PHACTR2: variants seen among roughly 807,000 people sequenced by gnomAD.
PHACTR2 encodes the protein phosphatase and actin regulator 2.
In PHACTR2, 30 loss-of-function variants were observed where a neutral mutation model predicts 76.0. That is an observed-to-expected ratio of 0.39 (90% confidence interval 0.30 to 0.54). The LOEUF (loss-of-function observed/expected upper bound fraction) is 0.54, where lower values mean the gene tolerates loss of function less well. Among genes scored for constraint, PHACTR2 ranks in the 20% least tolerant of loss-of-function variants. The probability of loss-of-function intolerance (pLI) is 0.61; values close to 1 mark genes in which losing one functional copy is unlikely to be tolerated. For synonymous variants in PHACTR2, 292 were observed against 292.5 expected (o/e 1.00, Z 0.02); for missense variants, 696 against 781.1 (o/e 0.89, Z 1.30).
In PHACTR2 at chr6:143,619,908, G is replaced by A. The variant is rs979145088; in HGVS notation, c.13+11586G>A. Among the ~76,000 whole-genome samples the A allele has an allele frequency of 2.0e-5, 3 of 152,078 alleles. No individual in the cohort carries two copies. Among genetic ancestry groups the A allele is most frequent in the Non-Finnish European group, 4.4e-5 (3 of 68,012 alleles). Reference sequence around the variant, plus strand: ...TGTGAGATTCTATAGTCTTCACAGCGCCGATCATGCTTGCTTGTGGTACTT... The same window carrying A: ...TGTGAGATTCTATAGTCTTCACAGCACCGATCATGCTTGCTTGTGGTACTT... On this transcript the variant is annotated intron_variant, in intron 1 of 11. Coordinates refer to the PHACTR2 transcript ENST00000305766. The surrounding 1 kb of genome is among the most constrained non-coding windows in gnomAD (Gnocchi z 4.5).
chr6:143,826,308 A>C lies in PHACTR2; in HGVS notation c.*2619A>C, dbSNP rs1776529410. On this transcript the variant is annotated 3_prime_UTR_variant, in exon 13 of 13. Coordinates refer to ENST00000440869, the MANE Select transcript of PHACTR2 (RefSeq NM_001100164.2). ...CAGAGGTCTGGCCCACCCTCCGTGCATAGGCACCTCTGTCCACCACCAGCG... is the reference window on the plus strand; with the variant it reads ...CAGAGGTCTGGCCCACCCTCCGTGCCTAGGCACCTCTGTCCACCACCAGCG... The C allele has an allele frequency of 6.6e-6, 1 of 152,298 alleles. No individual in the cohort carries two copies. Among genetic ancestry groups the C allele is most frequent in the African/African-American group, 2.4e-5 (1 of 41,476 alleles). The allele number at this position is 152,298 out of a possible 1,614,324, so 9.4% of individuals were successfully genotyped here.
At chr6:143,771,315 A>G (rs1246357973) in intron 6 of PHACTR2, among the ~76,000 whole-genome samples, 3 of 144,930 alleles carry the variant, frequency 2.1e-5, no homozygotes, top group Non-Finnish European at 3.0e-5. Flanking sequence ...GGCTCACTGC[A>G]GTCTCGATTT....
intron 2 of PHACTR2, among the ~76,000 whole-genome samples, chr6:143,725,682 A>G (rs1237251940): frequency 6.6e-6 from 1 of 151,964 alleles, no homozygotes; most frequent in Non-Finnish European, 1.5e-5. Context: ...GAAAAATACA[A>G]AAAATTAGCT....
rs975319987 is a variant in PHACTR2 at position 143,782,219 on chromosome 6, C to A, written c.1646-1000C>A. Reference sequence around the variant, plus strand: ...CTAGCCTGGGTGACAGAGCGAGAATCCGTTTCAAAAAATAAAATAAAAATA... The same window carrying A: ...CTAGCCTGGGTGACAGAGCGAGAATACGTTTCAAAAAATAAAATAAAAATA... On this transcript the variant is annotated intron_variant, in intron 9 of 12. Coordinates refer to ENST00000440869, the MANE Select transcript of PHACTR2 (RefSeq NM_001100164.2). The surrounding 1 kb of genome is among the most constrained non-coding windows in gnomAD (Gnocchi z 4.6). 6.6e-6 allele frequency among the ~76,000 whole-genome samples: 1 copy of A among 151,998 alleles called. No homozygotes were observed. Among genetic ancestry groups the A allele is most frequent in the Admixed American group, 6.6e-5 (1 of 15,254 alleles).
chr6:143,712,968 A>C (rs370669175), intron 2 of PHACTR2, among the ~76,000 whole-genome samples: 134 of 152,322 alleles, frequency 8.8e-4, no homozygotes, highest in African/African-American at 3.0e-3. Context: ...GTGTGAGTGT[A>C]TTGTGTCTAA....
Position 143,821,777 on chromosome 6 carries a change from G to GT in PHACTR2, c.1923-1896dup, listed in dbSNP as rs1375130318. ...GGGAGGCCGAGGACAGATTGCTTGA[G>GT]TGCAGGAGTTTGAGAACAGCCTGAG... On this transcript the variant is annotated intron_variant, in intron 12 of 12. Transcript: ENST00000440869. This position sits in a 1 kb window ranked among gnomAD's most constrained non-coding sequence, Gnocchi z 5.2. Among the ~76,000 whole-genome samples, 1 of 152,204 alleles carries GT rather than the reference G, an allele frequency of 6.6e-6. No individual in the cohort carries two copies. The highest frequency in any genetic ancestry group is 6.5e-5 in the Admixed American group (1 of 15,282).
chr6:143,735,452 T>A (rs993144163), intron 2 of PHACTR2, among the ~76,000 whole-genome samples: 1 of 152,232 alleles, frequency 6.6e-6, no homozygotes, highest in African/African-American at 2.4e-5. Context: ...TTAAAATCCA[T>A]AATGTAAATT....
chr6:143,631,000 C>G (rs1250078307), intron 1 of PHACTR2, among the ~76,000 whole-genome samples: 3 of 152,192 alleles, frequency 2.0e-5, no homozygotes, highest in Non-Finnish European at 4.4e-5. Context: ...ATCCTTTCTT[C>G]TCTCCCTTCT....
intron 2 of PHACTR2, among the ~76,000 whole-genome samples, chr6:143,716,593 C>A (rs1320440634): frequency 1.3e-5 from 2 of 152,206 alleles, no homozygotes; most frequent in East Asian, 3.8e-4. Flanking sequence ...CCCACCTCAG[C>A]TTACTGAAGT....
At position 143,710,302 on chromosome 6, in the gene PHACTR2, T is replaced by C. The variant is rs776764983; in HGVS notation, c.47-1714T>C. On this transcript the variant is annotated intron_variant, in intron 1 of 12. Coordinates refer to ENST00000440869, the MANE Select transcript of PHACTR2 (RefSeq NM_001100164.2). The surrounding 1 kb of genome is among the most constrained non-coding windows in gnomAD (Gnocchi z 4.9). ...TTTCTTGGGTTCTGAGGTCCCAGGC[T>C]TGTCTACCTTCCCTTGGCCTTACAG... Among the ~76,000 whole-genome samples, 4 of 152,226 alleles carry C rather than the reference T, an allele frequency of 2.6e-5. No homozygotes were observed. The highest frequency in any genetic ancestry group is 4.8e-5 in the African/African-American group (2 of 41,462).
chr6:143,727,672 T>C (rs1778605102), intron 2 of PHACTR2, among the ~76,000 whole-genome samples: 1 of 152,030 alleles, frequency 6.6e-6, no homozygotes, highest in South Asian at 2.1e-4. Context: ...AAGTAAGATA[T>C]ATCATTGTGG....
In PHACTR2 at chr6:143,548,978, G is replaced by T. The variant is rs879381033; in HGVS notation, c.217+11771G>T. On this transcript the variant is annotated intron_variant, in intron 1 of 11. Transcript: ENST00000367584. The surrounding 1 kb of genome is among the most constrained non-coding windows in gnomAD (Gnocchi z 4.5). ...TGATGGAAATCATTGGCTGGGGTGAGGTGGGGGCACCTGTGGCTTGAGGAG... is the reference window on the plus strand; with the variant it reads ...TGATGGAAATCATTGGCTGGGGTGATGTGGGGGCACCTGTGGCTTGAGGAG... Among the ~76,000 whole-genome samples, 1 of 151,956 alleles carries T rather than the reference G, an allele frequency of 6.6e-6. No homozygotes were observed. Among genetic ancestry groups the T allele is most frequent in the Admixed American group, 6.6e-5 (1 of 15,226 alleles).
At chr6:143,636,135 A>G (rs1776448593) in intron 1 of PHACTR2, among the ~76,000 whole-genome samples, 1 of 151,698 alleles carries the variant, frequency 6.6e-6, no homozygotes. Context: ...GAATCTTTGA[A>G]CCCAAGAGGC....
intron 3 of PHACTR2, among the ~76,000 whole-genome samples, chr6:143,752,638 A>G (rs902643825): frequency 3.3e-5 from 5 of 152,142 alleles, no homozygotes; most frequent in Admixed American, 1.3e-4. Context: ...TTGATTTATT[A>G]AAATGTCATG....
At position 143,618,824 on chromosome 6, in the gene PHACTR2, A is replaced by G. The variant is rs1776102778; in HGVS notation, c.13+10502A>G. Among the ~76,000 whole-genome samples the G allele has an allele frequency of 6.6e-6, 1 of 150,800 alleles. No individual in the cohort carries two copies. The highest frequency in any genetic ancestry group is 2.4e-5 in the African/African-American group (1 of 40,882). On this transcript the variant is annotated intron_variant, in intron 1 of 11. Coordinates refer to the PHACTR2 transcript ENST00000305766. The surrounding 1 kb of genome is among the most constrained non-coding windows in gnomAD (Gnocchi z 5.2). ...CACTCCTCTCCTCTCCTCCCCGAAA[A>G]CTCTCTTCTACCCCTGTTGGAACAC...
rs1257867964 is a variant in PHACTR2 at position 143,777,498 on chromosome 6, G to A, written c.1645+115G>A. The stretch of plus-strand genomic sequence containing the variant: ...TATATTCATTTACTCAAGATGGACT[G>A]AAATAGTCCATTTATGTCACATTTA... On this transcript the variant is annotated intron_variant, in intron 9 of 12. Coordinates refer to ENST00000440869, the MANE Select transcript of PHACTR2 (RefSeq NM_001100164.2). This position sits in a 1 kb window ranked among gnomAD's most constrained non-coding sequence, Gnocchi z 4.6. 1.5e-5 allele frequency: 7 copies of A among 465,454 alleles called. No homozygotes were observed. The highest frequency in any genetic ancestry group is 2.3e-5 in the Non-Finnish European group (6 of 263,674). 28.8% of individuals were successfully genotyped at this position (465,454 alleles called of 1,614,324 possible).
At chr6:143,644,711 T>C (rs1776627070) in intron 1 of PHACTR2, among the ~76,000 whole-genome samples, 1 of 151,988 alleles carries the variant, frequency 6.6e-6, no homozygotes, top group Admixed American at 6.6e-5. Flanking sequence ...CTTAGTGGTA[T>C]GTAAAACAAT....
chr6:143,647,407 C>G lies in PHACTR2; in HGVS notation c.13+39085C>G, dbSNP rs1440046725. On this transcript the variant is annotated intron_variant, in intron 1 of 11. Coordinates refer to the PHACTR2 transcript ENST00000305766. The surrounding 1 kb of genome is among the most constrained non-coding windows in gnomAD (Gnocchi z 4.2). Reference sequence around the variant, plus strand: ...CTCAAAATTCTGCAGTAAATGGAAACCATTTCACATGTGTTTATTCATTCA... The same window carrying G: ...CTCAAAATTCTGCAGTAAATGGAAAGCATTTCACATGTGTTTATTCATTCA... Among the ~76,000 whole-genome samples the G allele has an allele frequency of 1.3e-5, 2 of 152,208 alleles. No individual in the cohort carries two copies. The highest frequency in any genetic ancestry group is 2.4e-5 in the African/African-American group (1 of 41,454).
rs1328288780 is a variant in PHACTR2 at position 143,743,186 on chromosome 6, G to A, written c.215-5799G>A. Among the ~76,000 whole-genome samples the A allele has an allele frequency of 6.6e-6, 1 of 152,196 alleles. No homozygotes were observed. The highest frequency in any genetic ancestry group is 1.5e-5 in the Non-Finnish European group (1 of 68,026). On this transcript the variant is annotated intron_variant, in intron 2 of 12. Transcript: ENST00000440869. This position sits in a 1 kb window ranked among gnomAD's most constrained non-coding sequence, Gnocchi z 5.0. The stretch of plus-strand genomic sequence containing the variant: ...GTAGATTTCACCCGAGAGGGATAGG[G>A]AAACAGTCTAAATTCTAGGAAGAAG...
Sources: allele counts gnomAD v4.1 joint callset (sites outside exome capture counted in the v4.1 genomes callset), GRCh38; gene constraint gnomAD v4.1.1; non-coding constraint Gnocchi (gnomAD v3.1); transcripts MANE v1.5; gene names NCBI Gene and HGNC (gene_info 2026-07-23, HGNC 2026-07-21).